SNTG2: variants seen among roughly 807,000 people sequenced by gnomAD.
The protein encoded by SNTG2 is gamma-2-syntrophin.
A neutral mutation model predicts 70.9 loss-of-function variants in SNTG2; 74 were observed. The ratio of observed to expected loss-of-function variants is 1.04; its 90% confidence interval spans 0.86 to 1.27. The LOEUF (loss-of-function observed/expected upper bound fraction) is 1.27. Ranked by LOEUF, SNTG2 falls within the 50% of genes most tolerant of loss-of-function variation. The probability of loss-of-function intolerance (pLI) is 0.00; values close to 1 mark genes in which losing one functional copy is unlikely to be tolerated. For missense variants in SNTG2, 717 were observed against 690.7 expected (o/e 1.04, Z -0.43); for synonymous variants, 278 against 273.8 (o/e 1.02, Z -0.15).
At chr2:1,134,086 T>G (rs1280856238) in intron 4 of SNTG2, among the ~76,000 whole-genome samples, 2 of 152,058 alleles carry the variant, frequency 1.3e-5, no homozygotes, top group Non-Finnish European at 2.9e-5. Flanking sequence ...TCTGGAGTTG[T>G]TGGTTCCTCC....
intron 6 of SNTG2, 58 bp downstream of exon 6, chr2:1,137,867 G>T (rs1169801846): frequency 6.8e-6 from 10 of 1,464,976 alleles, no homozygotes; most frequent in Non-Finnish European, 5.7e-6. Context: ...TGAATTATTT[G>T]TCTCTATAGT....
At chr2:1,131,532 A>T (rs1351120077) in intron 4 of SNTG2, among the ~76,000 whole-genome samples, 1 of 152,284 alleles carries the variant, frequency 6.6e-6, no homozygotes, top group Non-Finnish European at 1.5e-5. Context: ...CATGGGACAC[A>T]CTATTCATTT....
At chr2:979,877 GA>G (rs1339753903) in intron 1 of SNTG2, among the ~76,000 whole-genome samples, 3 of 137,412 alleles carry the variant, frequency 2.2e-5, no homozygotes, top group Non-Finnish European at 3.3e-5. Flanking sequence ...AAAGTTTATA[GA>G]GATTATAATT....
intron 10 of SNTG2, among the ~76,000 whole-genome samples, chr2:1,238,537 A>G (rs2148108106): frequency 6.6e-6 from 1 of 152,354 alleles, no homozygotes; most frequent in South Asian, 2.1e-4. Flanking sequence ...GATGTTTGAT[A>G]TTAAAAGTCA....
In SNTG2 at chr2:1,234,037, G is replaced by A. The variant is rs376794479; in HGVS notation, c.720-3851G>A. On this transcript the variant is annotated intron_variant, in intron 9 of 16. Coordinates refer to ENST00000308624, the MANE Select transcript of SNTG2 (RefSeq NM_018968.4). ...CAGATGCTCTGTGAATTTTAGCTCCGATAATGACCTTGGCCACGTGAACAC... is the reference window on the plus strand; with the variant it reads ...CAGATGCTCTGTGAATTTTAGCTCCAATAATGACCTTGGCCACGTGAACAC... 7.2e-5 allele frequency among the ~76,000 whole-genome samples: 11 copies of A among 152,132 alleles called. No individual in the cohort carries two copies. The East Asian group carries it at 7.7e-4, about 11-fold the overall frequency.
intron 4 of SNTG2, among the ~76,000 whole-genome samples, chr2:1,128,448 C>T (rs63717460): frequency 0.11 from 16,752 of 149,790 alleles, 941 homozygotes; most frequent in Admixed American, 0.14. Context: ...TGGAAGTTTT[C>T]TTCTTTCAAC....
At chr2:1,023,110 A>G (rs550490397) in intron 1 of SNTG2, among the ~76,000 whole-genome samples, 1 of 151,564 alleles carries the variant, frequency 6.6e-6, no homozygotes, top group Non-Finnish European at 1.5e-5. Flanking sequence ...TTGACTTTAC[A>G]TTTAACCCAC....
chr2:996,886 G>A (rs1661705357), intron 1 of SNTG2, among the ~76,000 whole-genome samples: 1 of 151,768 alleles, frequency 6.6e-6, no homozygotes, highest in Admixed American at 6.6e-5. Flanking sequence ...TATTAATAAT[G>A]TAAAACATCA....
At chr2:1,068,450 G>A (rs1180113646) in intron 1 of SNTG2, 1 of 152,172 alleles carries the variant, frequency 6.6e-6, no homozygotes, top group Admixed American at 6.5e-5. Flanking sequence ...CAGGGGTTAC[G>A]ATCTGTTATT....
intron 8 of SNTG2, among the ~76,000 whole-genome samples, chr2:1,196,978 GA>G (rs1672947866): frequency 6.6e-6 from 1 of 152,008 alleles, no homozygotes; most frequent in African/African-American, 2.4e-5. Flanking sequence ...ATGAAAAAGA[GA>G]AAAGACTCAA....
At chr2:1,327,508 A>G (rs766850967) in intron 16 of SNTG2, among the ~76,000 whole-genome samples, 1 of 152,212 alleles carries the variant, frequency 6.6e-6, no homozygotes, top group Non-Finnish European at 1.5e-5. Flanking sequence ...ATTATTACTA[A>G]AAGTTCATTT....
At chr2:1,208,502 C>T (rs987636510) in intron 8 of SNTG2, among the ~76,000 whole-genome samples, 1 of 152,146 alleles carries the variant, frequency 6.6e-6, no homozygotes, top group African/African-American at 2.4e-5. Flanking sequence ...CCGACCCTTT[C>T]GTTGTTGGAC....
intron 13 of SNTG2, among the ~76,000 whole-genome samples, chr2:1,266,007 T>C (rs1430407835): frequency 1.3e-5 from 2 of 151,888 alleles, no homozygotes. Flanking sequence ...TGTGGACCAG[T>C]AAATGAATGG....
chr2:1,045,161 T>C (rs1661661422), intron 1 of SNTG2, among the ~76,000 whole-genome samples: 1 of 152,056 alleles, frequency 6.6e-6, no homozygotes, highest in African/African-American at 2.4e-5. Context: ...TTCTTCAGGG[T>C]TTTCTAGTTT....
At chr2:1,194,098 T>C (rs999322996) in intron 8 of SNTG2, among the ~76,000 whole-genome samples, 2 of 152,248 alleles carry the variant, frequency 1.3e-5, no homozygotes, top group African/African-American at 4.8e-5. Flanking sequence ...TTAGTGTTTA[T>C]TGTTGGAAGT....
At chr2:976,499 G>A (rs1008052313) in intron 1 of SNTG2, among the ~76,000 whole-genome samples, 2 of 152,178 alleles carry the variant, frequency 1.3e-5, no homozygotes, top group Non-Finnish European at 2.9e-5. Context: ...CCCTGTCCTT[G>A]TTTCTTCTTT....
At chr2:965,463 C>T (rs867360993) in intron 1 of SNTG2, among the ~76,000 whole-genome samples, 1 of 151,526 alleles carries the variant, frequency 6.6e-6, no homozygotes, top group African/African-American at 2.4e-5. Flanking sequence ...TTGGTTGCCT[C>T]CTCCTCCTTG....
At chr2:1,244,019 C>G (rs906533874) in intron 11 of SNTG2, among the ~76,000 whole-genome samples, 2 of 152,208 alleles carry the variant, frequency 1.3e-5, no homozygotes, top group Non-Finnish European at 2.9e-5. Context: ...GAGCAAGACT[C>G]TGGCCTGGGG....
intron 14 of SNTG2, among the ~76,000 whole-genome samples, chr2:1,272,628 A>G (rs536312420): frequency 6.6e-6 from 1 of 151,898 alleles, no homozygotes; most frequent in Non-Finnish European, 1.5e-5. Flanking sequence ...ACAGGTGTAG[A>G]AAGGACACCC....
Sources: gnomAD v4.1 joint callset for allele counts (sites outside exome capture counted in the v4.1 genomes callset) on GRCh38, gnomAD v4.1.1 for gene constraint, MANE v1.5 for transcripts, NCBI Gene and HGNC (gene_info 2026-07-23, HGNC 2026-07-21) for gene names.